PIERCE2: variants seen among roughly 807,000 people sequenced by gnomAD.
PIERCE2 encodes piercer of microtubule wall 2 protein.
At chr15:55,408,922 T>G in the PIERCE2 span, 2 of 594,730 alleles carry the variant, frequency 3.4e-6, no homozygotes, top group Non-Finnish European at 5.9e-6. Flanking sequence ...AGCTTTTACA[T>G]TTACACTTGT....
At chr15:55,409,108 G>A in the PIERCE2 span, among the ~76,000 whole-genome samples, 1 of 152,232 alleles carries the variant, frequency 6.6e-6, no homozygotes, top group East Asian at 1.9e-4. Context: ...GAGTTGTTTT[G>A]AAAAAGGATT....
the PIERCE2 span, among the ~76,000 whole-genome samples, chr15:55,414,280 G>A: frequency 6.7e-6 from 1 of 149,238 alleles, no homozygotes; most frequent in African/African-American, 2.5e-5. Context: ...CATAATCTCG[G>A]ATCACTGCAA....
the PIERCE2 span, chr15:55,418,767 G>T: frequency 8.6e-6 from 4 of 466,794 alleles, no homozygotes; most frequent in East Asian, 1.4e-4. Flanking sequence ...AAAATAAAAG[G>T]TAGAAAGTGT....
At chr15:55,414,113 G>A in the PIERCE2 span, among the ~76,000 whole-genome samples, 2 of 151,626 alleles carry the variant, frequency 1.3e-5, no homozygotes, top group South Asian at 2.1e-4. Context: ...TAGCCAGGAT[G>A]GTCTGGATCT....
At chr15:55,409,434 A>AAAT in the PIERCE2 span, among the ~76,000 whole-genome samples, 1 of 151,718 alleles carries the variant, frequency 6.6e-6, no homozygotes, top group Non-Finnish European at 1.5e-5. Flanking sequence ...ATTTATATTC[A>AAAT]CTCTTTACAG....
chr15:55,416,886 G>A, the PIERCE2 span, among the ~76,000 whole-genome samples: 3 of 152,152 alleles, frequency 2.0e-5, no homozygotes, highest in South Asian at 2.1e-4. Context: ...GCTTGAACCC[G>A]GGAGGCGGAG....
chr15:55,418,396 T>A, the PIERCE2 span: 41 of 1,533,896 alleles, frequency 2.7e-5, no homozygotes, highest in Non-Finnish European at 3.5e-5. Flanking sequence ...CCAATTCAAG[T>A]CATTATGGTG....
the PIERCE2 span, chr15:55,408,736 C>G: frequency 6.6e-7 from 1 of 1,519,796 alleles, no homozygotes; most frequent in Non-Finnish European, 8.8e-7. Flanking sequence ...TGAAAACTGA[C>G]TTTGCCGAAA....
chr15:55,418,414 A>T, the PIERCE2 span: 5 of 1,529,892 alleles, frequency 3.3e-6, no homozygotes, highest in South Asian at 4.8e-5. Flanking sequence ...GTGAATTTCT[A>T]CCTATTCCAC....
At chr15:55,413,096 A>T in the PIERCE2 span, among the ~76,000 whole-genome samples, 2 of 151,824 alleles carry the variant, frequency 1.3e-5, no homozygotes, top group Admixed American at 1.3e-4. Flanking sequence ...GTGAAACCCC[A>T]TCTCTACTAA....
At chr15:55,416,579 T>A in the PIERCE2 span, among the ~76,000 whole-genome samples, 1 of 152,120 alleles carries the variant, frequency 6.6e-6, no homozygotes, top group Non-Finnish European at 1.5e-5. Flanking sequence ...AACCTGGAAG[T>A]TATCCTAGAT....
chr15:55,416,662 C>T, the PIERCE2 span, among the ~76,000 whole-genome samples: 3 of 151,924 alleles, frequency 2.0e-5, no homozygotes, highest in African/African-American at 7.3e-5. Context: ...AAATATATTT[C>T]AAATTTGCTC....
the PIERCE2 span, among the ~76,000 whole-genome samples, chr15:55,414,402 G>A: frequency 6.6e-6 from 1 of 151,634 alleles, no homozygotes; most frequent in African/African-American, 2.4e-5. Flanking sequence ...GTAGAGGCAG[G>A]GTTTCACCAT....
At chr15:55,413,001 G>GT in the PIERCE2 span, among the ~76,000 whole-genome samples, 1 of 152,144 alleles carries the variant, frequency 6.6e-6, no homozygotes, top group Non-Finnish European at 1.5e-5. Flanking sequence ...GGGCGCGGTG[G>GT]TGCGCACCTA....
the PIERCE2 span, among the ~76,000 whole-genome samples, chr15:55,412,809 T>C: frequency 6.6e-6 from 1 of 151,464 alleles, no homozygotes; most frequent in Admixed American, 6.6e-5. Flanking sequence ...GAAGAGTAGA[T>C]TGAATATGGT....
the PIERCE2 span, chr15:55,408,655 G>C: frequency 1.5e-6 from 1 of 656,496 alleles, no homozygotes; most frequent in Non-Finnish European, 2.7e-6. Flanking sequence ...TCTTCTGTTT[G>C]CTGCTTTAAT....
At chr15:55,418,096 G>A in the PIERCE2 span, 96 of 1,584,382 alleles carry the variant, frequency 6.1e-5, no homozygotes, top group African/African-American at 1.2e-3. Context: ...CTTGGGCTCA[G>A]AGGCCTGACA....
At chr15:55,416,696 C>T in the PIERCE2 span, among the ~76,000 whole-genome samples, 1 of 152,022 alleles carries the variant, frequency 6.6e-6, no homozygotes, top group Admixed American at 6.6e-5. Context: ...CGGTGGCTCA[C>T]ACCTGTAATC....
the PIERCE2 span, chr15:55,408,683 C>A: frequency 2.4e-6 from 2 of 843,980 alleles, no homozygotes; most frequent in Non-Finnish European, 3.8e-6. Flanking sequence ...GGTTAAAAGG[C>A]CACGTCCCTA....
Sources: allele counts gnomAD v4.1 joint callset (sites outside exome capture counted in the v4.1 genomes callset), GRCh38; gene constraint gnomAD v4.1.1; transcripts MANE v1.5; gene names NCBI Gene and HGNC (gene_info 2026-07-23, HGNC 2026-07-21).